The following ADCY6 variants were observed in gnomAD, a reference collection of about 807,000 sequenced individuals.
The protein encoded by ADCY6 is adenylate cyclase 6.
In ADCY6, 59 loss-of-function variants were observed where a neutral mutation model predicts 111.6. The ratio of observed to expected loss-of-function variants is 0.53; its 90% CI spans 0.43 to 0.66. The LOEUF is 0.66. Ranked by LOEUF, ADCY6 falls within the 30% of genes least tolerant of loss-of-function variation. ADCY6 has a pLI of 0.00. For synonymous variants in ADCY6, 576 were observed against 642.9 expected, an observed-to-expected ratio of 0.90 and a Z score of 1.57; for missense variants, 1,242 against 1,595.6, an observed-to-expected ratio of 0.78 and a Z score of 3.78.
rs769107299 is a variant in ADCY6 at position 48,783,141 on chromosome 12, C to T, written c.294G>A (p.Thr98=). 5 of 1,608,192 alleles carry T rather than the reference C, an allele frequency of 3.1e-6. No homozygotes were observed. Among genetic ancestry groups the T allele is most frequent in the East Asian group, 2.2e-5 (1 of 44,866 alleles). ...CCACCTCAGCCGTCCCGCCCGCTGTCGTTGTCACCTCGGTATCCTCGAAGC... is the reference window on the plus strand; with the variant it reads ...CCACCTCAGCCGTCCCGCCCGCTGTTGTTGTCACCTCGGTATCCTCGAAGC... ...ALGFEDTEVT[T]TAGGTAEVAP... The change falls in exon 2 of 22, where the codon ACG becomes ACA. Residue 98 remains threonine (T), a synonymous_variant. Coordinates refer to ENST00000357869, the MANE Select transcript of ADCY6 (RefSeq NM_015270.5).
At chr12:48,784,674 T>TTTTTG (rs1565652515) in intron 1 of ADCY6, among the ~76,000 whole-genome samples, 1 of 138,094 alleles carries the variant, frequency 7.2e-6, no homozygotes, top group Non-Finnish European at 1.6e-5. Context: ...AGTTTTTTTT[T>TTTTTG]TTTTTTTTTT....
At chr12:48,787,696 C>T (rs12814893) in intron 1 of ADCY6, among the ~76,000 whole-genome samples, 16,414 of 152,256 alleles carry the variant, frequency 0.11, 1,182 homozygotes, top group South Asian at 0.2. Flanking sequence ...GCTCCTAAGC[C>T]TTGTGCCTCT....
chr12:48,769,257 C>G (rs1043078966), intron 20 of ADCY6, among the ~76,000 whole-genome samples, 196 bp from the exon 21 acceptor site: 1 of 151,524 alleles, frequency 6.6e-6, no homozygotes, highest in Non-Finnish European at 1.5e-5. Context: ...AAAAAAAATA[C>G]AAAAATTAGC....
At chr12:48,789,782 G>A (rs1336336620), upstream of ADCY6, 1 of 151,860 alleles carries the variant, frequency 6.6e-6, no homozygotes, top group African/African-American at 2.4e-5. Context: ...GGGGCCCAGT[G>A]GAGGGACCCA....
At chr12:48,775,487 G>GCATGGC in intron 10 of ADCY6, 37 bp from the exon 11 acceptor site, 1 of 1,611,536 alleles carries the variant, frequency 6.2e-7, no homozygotes, top group Non-Finnish European at 8.5e-7. Context: ...AGTTGCATGG[G>GCATGGC]CATGGCCATG....
intron 18 of ADCY6, 151 bp from the exon 19 acceptor site, chr12:48,772,124 G>A (rs1941565168): frequency 7.3e-7 from 1 of 1,374,608 alleles, no homozygotes; most frequent in Admixed American, 2.6e-5. Context: ...GGGTAAAGGG[G>A]GCAGGTAGAG....
chr12:48,773,804 A>T lies in ADCY6; in HGVS notation c.2442+136T>A, dbSNP rs753966585. ...CCATGCCCAGCCCCTACAACACACC[A>T]GGGCCCCTGGTTGCTCCTAGTGTGG... On this transcript the variant is annotated intron_variant, in intron 15 of 21. Transcript: ENST00000357869. 3 of 1,438,016 alleles carry T rather than the reference A, an allele frequency of 2.1e-6. No individual in the cohort carries two copies. The South Asian group carries it at 3.7e-5, about 18-fold the overall frequency. The allele number at this position is 1,438,016 out of a possible 1,614,324, so 89.1% of individuals were successfully genotyped here.
Position 48,777,227 on chromosome 12 carries a change from T to C in ADCY6, c.1253A>G (p.Asn418Ser). The stretch of plus-strand genomic sequence containing the variant: ...CAAGATCTTGATCCTCAGGCAGTGA[T>C]TCTCCTGAATGGGAAGGAATTGGAG... ...FARFDKLAAE[N>S]HCLRIKILGD... The change falls in exon 6 of 22, where the codon AAT becomes AGT. Residue 418 changes from asparagine to serine, a missense_variant. Physicochemically the swap from Asn to Ser is conservative, Grantham distance 46. Transcript: ENST00000357869. This position sits in a 1 kb window ranked among gnomAD's most constrained non-coding sequence, Gnocchi z 4.9. 1 of 1,612,972 alleles carries C rather than the reference T, an allele frequency of 6.2e-7. No individual in the cohort carries two copies. Among genetic ancestry groups the C allele is most frequent in the Non-Finnish European group, 8.5e-7 (1 of 1,179,558 alleles).
At position 48,776,012 on chromosome 12, in the gene ADCY6, G is replaced by A; in HGVS notation, c.1757C>T (p.Pro586Leu). The part of the protein sequence containing the change: ...SMEGLMPRWV[P>L]DRAFSRTKDS... ...CTTGGTCCGGGAGAAGGCACGATCA[G>A]GAACCCAGCGCGGCATCAGCCCTTC... The change falls in exon 9 of 22, where the codon CCT (proline) becomes CTT (leucine). Residue 586 changes from proline to leucine, a missense_variant. Physicochemically the swap from Pro to Leu is moderately conservative, Grantham distance 98. This residue lies in a region of ADCY6 where 375 missense variants were observed against 432.5 expected (regional missense o/e 0.87). Transcript: ENST00000357869. The surrounding 1 kb of genome is among the most constrained non-coding windows in gnomAD (Gnocchi z 6.1). 6.2e-7 allele frequency: 1 copy of A among 1,612,680 alleles called. No individual in the cohort carries two copies. The highest frequency in any genetic ancestry group is 1.7e-5 in the Admixed American group (1 of 59,842).
Position 48,778,189 on chromosome 12 carries a change from C to A in ADCY6, c.933G>T (p.Glu311Asp), listed in dbSNP as rs979624533. 12 of 1,614,160 alleles carry A rather than the reference C, an allele frequency of 7.4e-6. No homozygotes were observed. Among genetic ancestry groups the A allele is most frequent in the Non-Finnish European group, 1.0e-5 (12 of 1,180,036 alleles). Residue 311 changes from glutamate to aspartate, a missense_variant, in exon 3 of 22, where the codon GAG becomes GAT. Glu to Asp is a conservative substitution (Grantham distance 45). Coordinates refer to ENST00000357869, the MANE Select transcript of ADCY6 (RefSeq NM_015270.5). ...CCTGAAAGGCCTGGCGCTGAGACAC[C>A]TCTGCTGGATAGTGTGTGCAGATGC... ...VIGICTHYPAEVSQRQAFQET... is the reference protein window; with the variant it reads ...VIGICTHYPADVSQRQAFQET...
chr12:48,784,735 C>A (rs550579579), intron 1 of ADCY6, among the ~76,000 whole-genome samples: 1 of 140,874 alleles, frequency 7.1e-6, no homozygotes, highest in African/African-American at 2.8e-5. Context: ...TGCAGTGGCA[C>A]GATCTTGGCT....
chr12:48,770,246 T>C (rs1443187859), intron 20 of ADCY6, among the ~76,000 whole-genome samples: 2 of 151,992 alleles, frequency 1.3e-5, no homozygotes, highest in Admixed American at 1.3e-4. Flanking sequence ...GGTATTATTA[T>C]CCCCATTTTA....
Position 48,777,572 on chromosome 12 carries a change from CA to C in ADCY6, c.1136+42del. On this transcript the variant is annotated intron_variant, in intron 4 of 21. Coordinates refer to ENST00000357869, the MANE Select transcript of ADCY6 (RefSeq NM_015270.5). The surrounding 1 kb of genome is among the most constrained non-coding windows in gnomAD (Gnocchi z 4.9). Reference sequence around the variant, plus strand: ...AGAACACATAGCCCTCAAAGACTTCCAGACCCCCCGCCCTGCTGGGCATCCT... The same window carrying C: ...AGAACACATAGCCCTCAAAGACTTCCGACCCCCCGCCCTGCTGGGCATCCT... 1 of 1,612,802 alleles carries C rather than the reference CA, an allele frequency of 6.2e-7. No homozygotes were observed. The highest frequency in any genetic ancestry group is 1.4e-5 in the African/African-American group (1 of 73,946).
In ADCY6 at chr12:48,768,518, C is replaced by T; in HGVS notation, c.*73G>A. 2 of 1,609,368 alleles carry T rather than the reference C, an allele frequency of 1.2e-6. No individual in the cohort carries two copies. The highest frequency in any genetic ancestry group is 1.7e-6 in the Non-Finnish European group (2 of 1,176,076). On this transcript the variant is annotated 3_prime_UTR_variant, in exon 22 of 22. Transcript: ENST00000357869. Reference sequence around the variant, plus strand: ...GGAGGCTCAGTGCCCCCTGCCACAGCTCCACCCAGTGAGCACAGAGTCCAC... The same window carrying T: ...GGAGGCTCAGTGCCCCCTGCCACAGTTCCACCCAGTGAGCACAGAGTCCAC...
At chr12:48,780,815 T>C (rs554727663) in intron 2 of ADCY6, among the ~76,000 whole-genome samples, 1 of 152,352 alleles carries the variant, frequency 6.6e-6, no homozygotes, top group African/African-American at 2.4e-5. Flanking sequence ...CAGAAGGACC[T>C]GGCCCTTTAA....
intron 9 of ADCY6, 72 bp from the exon 10 acceptor site, chr12:48,775,770 C>T: frequency 6.4e-7 from 1 of 1,566,118 alleles, no homozygotes; most frequent in Non-Finnish European, 8.7e-7. Flanking sequence ...CCTTCCCCCA[C>T]CCCAACACTG....
intron 1 of ADCY6, among the ~76,000 whole-genome samples, chr12:48,788,089 C>A (rs1018095330): frequency 6.6e-6 from 1 of 152,198 alleles, no homozygotes; most frequent in African/African-American, 2.4e-5. Flanking sequence ...CCAGCACCAC[C>A]CACCATACTC....
chr12:48,782,878 C>G lies in ADCY6; in HGVS notation c.557G>C (p.Cys186Ser), dbSNP rs754339701. ...GAGCCCCACGAACAGGGCGGCGGCA[C>G]AGGCCAACAGTGCCACATAGGCAGG... ...PQPAYVALLA[C>S]AAALFVGLMV... Residue 186 changes from cysteine (C) to serine (S), a missense_variant, in exon 2 of 22, where the codon TGT becomes TCT. Transcript: ENST00000357869. This position sits in a 1 kb window ranked among gnomAD's most constrained non-coding sequence, Gnocchi z 4.3. The G allele has an allele frequency of 6.2e-7, 1 of 1,613,996 alleles. No individual in the cohort carries two copies. Among genetic ancestry groups the G allele is most frequent in the Non-Finnish European group, 8.5e-7 (1 of 1,179,962 alleles).
Position 48,776,583 on chromosome 12 carries a change from C to G in ADCY6, c.1380G>C (p.Leu460=). 6.2e-7 allele frequency: 1 copy of G among 1,607,248 alleles called. No individual in the cohort carries two copies. Among genetic ancestry groups the G allele is most frequent in the Non-Finnish European group, 8.5e-7 (1 of 1,178,176 alleles). The stretch of plus-strand genomic sequence containing the variant: ...CATTCACACCTGTCACCTCACGTAC[C>G]AGCCTGGGAGGATGCAGCCCCAGAT... ...MGVDMIEAIS[L]VREVTGVNVN... is the part of the protein sequence containing the mutation. Residue 460 remains leucine (L), a synonymous_variant, in exon 7 of 22, where the codon CTG becomes CTC. Coordinates refer to ENST00000357869, the MANE Select transcript of ADCY6 (RefSeq NM_015270.5). This position sits in a 1 kb window ranked among gnomAD's most constrained non-coding sequence, Gnocchi z 6.1.
Sources: gnomAD v4.1 joint callset for allele counts (sites outside exome capture counted in the v4.1 genomes callset) on GRCh38, gnomAD v4.1.1 for gene constraint, gnomAD v4.1.1 regional missense constraint, Gnocchi (gnomAD v3.1) non-coding constraint, MANE v1.5 for transcripts, NCBI Gene and HGNC (gene_info 2026-07-23, HGNC 2026-07-21) for gene names.